CDH2: variants seen among roughly 807,000 people sequenced by gnomAD.
The protein encoded by CDH2 is cadherin 2, also known as cadherin-2.
In CDH2, 17 loss-of-function variants were observed where a neutral mutation model predicts 92.0. That is an observed-to-expected ratio of 0.18 (90% confidence interval 0.13 to 0.28). CDH2 has a LOEUF of 0.28. Ranked by LOEUF, CDH2 falls within the 10% of genes least tolerant of loss-of-function variation. The pLI, the probability that CDH2 is intolerant of heterozygous loss-of-function variation, is 1.00. For synonymous variants in CDH2, 419 were observed against 415.9 expected, an observed-to-expected ratio of 1.01 and a Z score of -0.09; for missense variants, 862 against 1,133.1, an observed-to-expected ratio of 0.76 and a Z score of 3.44.
intron 1 of CDH2, among the ~76,000 whole-genome samples, chr18:28,148,838 T>C (rs556529448): frequency 6.6e-6 from 1 of 152,340 alleles, no homozygotes. Flanking sequence ...ACCTGAATTA[T>C]GCATGTGAAA....
chr18:27,996,635 C>T (rs1270946908), intron 7 of CDH2, among the ~76,000 whole-genome samples: 1 of 152,104 alleles, frequency 6.6e-6, no homozygotes, highest in African/African-American at 2.4e-5. Context: ...ATCTGCCTCA[C>T]TGTGCATGTG....
At chr18:27,981,405 A>G (rs934969951) in intron 14 of CDH2, among the ~76,000 whole-genome samples, 1 of 152,230 alleles carries the variant, frequency 6.6e-6, no homozygotes, top group African/African-American at 2.4e-5. Context: ...GTATATTTAT[A>G]GAGCCACTTT....
intron 2 of CDH2, among the ~76,000 whole-genome samples, chr18:28,062,996 C>G (rs1458690704): frequency 2.6e-5 from 4 of 152,030 alleles, no homozygotes; most frequent in African/African-American, 4.8e-5. Context: ...TCATAAAAGC[C>G]TAATATGCTC....
At chr18:27,950,490 G>C (rs1909391461), downstream of CDH2, among the ~76,000 whole-genome samples, 1 of 152,072 alleles carries the variant, frequency 6.6e-6, no homozygotes, top group Non-Finnish European at 1.5e-5. Flanking sequence ...AAATCTAAGT[G>C]TGTTTCACTA....
At chr18:28,165,721 TTC>T (rs2016368351) in intron 1 of CDH2, among the ~76,000 whole-genome samples, 1 of 150,088 alleles carries the variant, frequency 6.7e-6, no homozygotes, top group Non-Finnish European at 1.5e-5. Context: ...TTTTTTTTTT[TTC>T]TTTTTTCTTT....
chr18:28,143,463 G>A (rs567655003), intron 2 of CDH2, among the ~76,000 whole-genome samples: 55 of 151,744 alleles, frequency 3.6e-4, no homozygotes, highest in Non-Finnish European at 7.4e-4. Flanking sequence ...AAAGCCCCAG[G>A]TTCTTCTGCT....
chr18:28,083,526 T>C (rs1051982560), intron 2 of CDH2, among the ~76,000 whole-genome samples: 1 of 152,112 alleles, frequency 6.6e-6, no homozygotes, highest in South Asian at 2.1e-4. Flanking sequence ...GAAACTAACA[T>C]CCCAGAGGTA....
At chr18:28,176,819 C>G (rs1301132667) in intron 1 of CDH2, 144 bp downstream of exon 1, 5 of 260,094 alleles carry the variant, frequency 1.9e-5, no homozygotes, top group African/African-American at 7.0e-5. Context: ...GCGCAGCTAC[C>G]GGCCGCGCGG....
At chr18:28,043,495 A>ATATATATATAAAT (rs1567976503) in intron 2 of CDH2, among the ~76,000 whole-genome samples, 1 of 87,404 alleles carries the variant, frequency 1.1e-5, no homozygotes, top group Non-Finnish European at 2.3e-5. Context: ...TATATATATA[A>ATATATATATAAAT]ATATATATAT....
At chr18:28,043,461 A>AATATATATATATATAT (rs1158754890) in intron 2 of CDH2, among the ~76,000 whole-genome samples, 14 of 71,954 alleles carry the variant, frequency 1.9e-4, no homozygotes, top group African/African-American at 4.6e-4. Flanking sequence ...GATATAAATA[A>AATATATATATATATAT]ATATATATAT....
intron 2 of CDH2, among the ~76,000 whole-genome samples, chr18:28,136,366 G>A (rs1489480341): frequency 6.6e-6 from 1 of 151,466 alleles, no homozygotes; most frequent in African/African-American, 2.4e-5. Flanking sequence ...TAGTTTATGG[G>A]CCACGTTCTT....
chr18:28,081,990 T>C (rs2014839926), intron 2 of CDH2, among the ~76,000 whole-genome samples: 1 of 152,174 alleles, frequency 6.6e-6, no homozygotes, highest in Non-Finnish European at 1.5e-5. Flanking sequence ...GCTCTTCAAG[T>C]CACATAATAA....
intron 2 of CDH2, among the ~76,000 whole-genome samples, chr18:28,057,632 A>G (rs1599067874): frequency 6.6e-6 from 1 of 151,882 alleles, no homozygotes; most frequent in South Asian, 2.1e-4. Flanking sequence ...ATGCTGCCGC[A>G]CTGCAGCCTG....
intron 2 of CDH2, among the ~76,000 whole-genome samples, chr18:28,109,740 T>G (rs1402879946): frequency 6.6e-6 from 1 of 152,186 alleles, no homozygotes; most frequent in Non-Finnish European, 1.5e-5. Context: ...TATATGAAAC[T>G]CTTTTTTAAA....
At chr18:28,068,175 C>T (rs1013187775) in intron 2 of CDH2, among the ~76,000 whole-genome samples, 2 of 152,152 alleles carry the variant, frequency 1.3e-5, no homozygotes, top group Non-Finnish European at 2.9e-5. Context: ...AATCAGCCTC[C>T]TGAAGCAAGG....
intron 2 of CDH2, among the ~76,000 whole-genome samples, chr18:28,124,400 A>C (rs1230298773): frequency 6.6e-6 from 1 of 152,180 alleles, no homozygotes; most frequent in Non-Finnish European, 1.5e-5. Flanking sequence ...AAGGAAAACC[A>C]CACCCCTTTA....
At chr18:28,093,369 T>G (rs1229986880) in intron 2 of CDH2, among the ~76,000 whole-genome samples, 1 of 152,142 alleles carries the variant, frequency 6.6e-6, no homozygotes, top group Admixed American at 6.5e-5. Context: ...TCATCTCAAC[T>G]AAAAGACTGT....
At chr18:27,967,633 C>A (rs1442883701) in intron 14 of CDH2, among the ~76,000 whole-genome samples, 6 of 152,130 alleles carry the variant, frequency 3.9e-5, no homozygotes, top group African/African-American at 1.4e-4. Context: ...CAAGGAAAAT[C>A]TCTTTTTTAC....
intron 9 of CDH2, among the ~76,000 whole-genome samples, chr18:27,991,598 T>C (rs1225198666): frequency 6.6e-6 from 1 of 152,184 alleles, no homozygotes; most frequent in Admixed American, 6.5e-5. Context: ...ATGACTAACA[T>C]ACTGTTATCA....
Sources: gnomAD v4.1 joint callset for allele counts (sites outside exome capture counted in the v4.1 genomes callset) on GRCh38, gnomAD v4.1.1 for gene constraint, MANE v1.5 for transcripts, NCBI Gene and HGNC (gene_info 2026-07-23, HGNC 2026-07-21) for gene names.